Variants in SNX10 observed in about 807,000 individuals in gnomAD.
SNX10 encodes the protein sorting nexin 10, also known as sorting nexin-10.
A neutral mutation model predicts 28.5 loss-of-function variants in SNX10; 25 were observed. That is an observed-to-expected ratio of 0.88 (90% CI 0.64 to 1.22). The LOEUF is 1.22. SNX10 is among the 50% of genes most tolerant of loss of function. SNX10 has a pLI of 0.00. For synonymous variants in SNX10, 62 were observed against 81.4 expected (o/e 0.76, Z 1.28); for missense variants, 223 against 242.6 (o/e 0.92, Z 0.54).
chr7:26,325,185 C>T (rs1787452013), intron 1 of SNX10, among the ~76,000 whole-genome samples: 2 of 151,004 alleles, frequency 1.3e-5, no homozygotes, highest in African/African-American at 4.9e-5. Context: ...TCAAAATGTC[C>T]TAAGGATTTG....
chr7:26,371,111 T>C (rs1584183653), intron 5 of SNX10, among the ~76,000 whole-genome samples: 1 of 152,286 alleles, frequency 6.6e-6, no homozygotes, highest in South Asian at 2.1e-4. Flanking sequence ...CTTTGTAAAC[T>C]TTGATCTTAA....
chr7:26,368,771 A>G (rs76331322), intron 5 of SNX10, among the ~76,000 whole-genome samples: 2 of 152,200 alleles, frequency 1.3e-5, no homozygotes, highest in Admixed American at 6.5e-5. Context: ...AATGTCTTCA[A>G]TGAAGATTTG....
chr7:26,365,993 G>C (rs2128025357), intron 5 of SNX10, among the ~76,000 whole-genome samples: 1 of 152,278 alleles, frequency 6.6e-6, no homozygotes, highest in East Asian at 1.9e-4. Flanking sequence ...ACAGTGTCTG[G>C]CATGCAGTGT....
rs1318468469 is a variant in SNX10, at chr7:26,357,066, G to A, written c.25-3909G>A. On this transcript the variant is annotated intron_variant, in intron 2 of 6. Coordinates refer to ENST00000338523, the MANE Select transcript of SNX10 (RefSeq NM_013322.3). ...GGCATTGGATGTATGAGGCATTCAAGTCTTACAAGACAGCCTAAGCTGCCC... is the reference window on the plus strand; with the variant it reads ...GGCATTGGATGTATGAGGCATTCAAATCTTACAAGACAGCCTAAGCTGCCC... 8 of 1,228,128 alleles carry A rather than the reference G, an allele frequency of 6.5e-6. No homozygotes were observed. In the South Asian group the frequency reaches 1.1e-4, roughly 17 times the overall value. 76.1% of individuals were successfully genotyped at this position (1,228,128 alleles called of 1,614,324 possible).
At chr7:26,340,412 C>T (rs1181256000) in intron 1 of SNX10, among the ~76,000 whole-genome samples, 4 of 152,294 alleles carry the variant, frequency 2.6e-5, no homozygotes, top group East Asian at 1.9e-4. Context: ...CCTACAAAAC[C>T]TCAAATATTT....
Position 26,365,088 on chromosome 7 carries a change from T to G in SNX10, c.254T>G (p.Met85Arg). Reference protein sequence around the residue: ...ELPSKNLFFNMNNRQHVDQRR... With the variant: ...ELPSKNLFFNRNNRQHVDQRR... ...CCATCTAAAAACCTGTTTTTCAACA[T>G]GAACAATCGCCAGCACGTGGATCAG... The change falls in exon 5 of 7, where the codon ATG becomes AGG. Residue 85 changes from methionine (M) to arginine (R), a missense_variant. Coordinates refer to ENST00000338523, the MANE Select transcript of SNX10 (RefSeq NM_013322.3). 6.2e-7 allele frequency: 1 copy of G among 1,613,310 alleles called. No homozygotes were observed. Among genetic ancestry groups the G allele is most frequent in the Admixed American group, 1.7e-5 (1 of 60,016 alleles).
intron 1 of SNX10, among the ~76,000 whole-genome samples, chr7:26,318,788 G>T (rs1299884026): frequency 2.6e-5 from 4 of 152,060 alleles, no homozygotes; most frequent in Non-Finnish European, 4.4e-5. Context: ...AATTTTTCTT[G>T]TATACTTAAT....
At position 26,372,528 on chromosome 7, in the gene SNX10, A is replaced by C; in HGVS notation, c.562A>C (p.Ser188Arg). ...SGLGHSSDDS[S>R]SHGCKVNTAP... is the part of the protein sequence containing the mutation. ...GCTTGGACACAGTAGTGATGACAGCAGTTCACATGGATGTAAAGTAAATAC... is the reference window on the plus strand; with the variant it reads ...GCTTGGACACAGTAGTGATGACAGCCGTTCACATGGATGTAAAGTAAATAC... Residue 188 changes from serine (S) to arginine (R), a missense_variant, in exon 7 of 7, where the codon AGT becomes CGT. Transcript: ENST00000338523. 2 of 1,610,394 alleles carry C rather than the reference A, an allele frequency of 1.2e-6. No individual in the cohort carries two copies.
intron 1 of SNX10, among the ~76,000 whole-genome samples, chr7:26,335,735 C>CT (rs57340085): frequency 0.051 from 4,265 of 84,210 alleles, 840 homozygotes; most frequent in African/African-American, 0.1. Context: ...ATGGAATATT[C>CT]TTTTTTTTTT....
chr7:26,298,792 G>A (rs1398124042), intron 1 of SNX10, among the ~76,000 whole-genome samples: 1 of 152,204 alleles, frequency 6.6e-6, no homozygotes, highest in African/African-American at 2.4e-5. Flanking sequence ...CCTACTGAGA[G>A]TTCTCTCCCT....
chr7:26,349,614 C>G (rs1227980830), intron 2 of SNX10, among the ~76,000 whole-genome samples: 1 of 152,084 alleles, frequency 6.6e-6, no homozygotes, highest in Non-Finnish European at 1.5e-5. Flanking sequence ...CTTTAATTTA[C>G]AATTAAAATA....
In SNX10 at chr7:26,364,379, T is replaced by C. The variant is rs1474284246; in HGVS notation, c.112-156T>C. On this transcript the variant is annotated intron_variant, in intron 3 of 6. Transcript: ENST00000338523. This position sits in a 1 kb window ranked among gnomAD's most constrained non-coding sequence, Gnocchi z 4.9. ...TCAGGGCTGTTATGTTCCTGGGTTA[T>C]GTGCAAGATTTCAGAGTACTGGCAT... is the stretch of plus-strand genomic sequence containing the variant. The C allele has an allele frequency of 7.3e-7, 1 of 1,378,410 alleles. No individual in the cohort carries two copies. Among genetic ancestry groups the C allele is most frequent in the Non-Finnish European group, 9.4e-7 (1 of 1,067,206 alleles). 85.4% of individuals were successfully genotyped at this position (1,378,410 alleles called of 1,614,324 possible).
chr7:26,360,898 G>A (rs1784493795), intron 2 of SNX10, 77 bp from the exon 3 acceptor site: 2 of 1,576,710 alleles, frequency 1.3e-6, no homozygotes, highest in Non-Finnish European at 1.7e-6. Context: ...TTGTTTTAGT[G>A]CAGTCGTTTT....
chr7:26,341,822 C>T (rs1788186849), intron 1 of SNX10, among the ~76,000 whole-genome samples: 1 of 151,926 alleles, frequency 6.6e-6, no homozygotes, highest in African/African-American at 2.4e-5. Flanking sequence ...ATAAGGTAGC[C>T]TGGGGAGTTT....
At chr7:26,366,557 G>A (rs1369122036) in intron 5 of SNX10, among the ~76,000 whole-genome samples, 1 of 152,190 alleles carries the variant, frequency 6.6e-6, no homozygotes. Context: ...CCCTAGAGGA[G>A]GCCTCTGATT....
chr7:26,309,330 T>C (rs1430051606), intron 1 of SNX10, among the ~76,000 whole-genome samples: 3 of 151,530 alleles, frequency 2.0e-5, no homozygotes, highest in Non-Finnish European at 4.4e-5. Flanking sequence ...TCTTGACATC[T>C]TTAGGTATTA....
chr7:26,357,846 G>C (rs1024755198), intron 2 of SNX10, among the ~76,000 whole-genome samples: 1 of 152,112 alleles, frequency 6.6e-6, no homozygotes, highest in African/African-American at 2.4e-5. Context: ...GCTGTGGGAA[G>C]GGTATGGACA....
At chr7:26,326,634 C>T (rs1044025245) in intron 1 of SNX10, among the ~76,000 whole-genome samples, 1 of 152,196 alleles carries the variant, frequency 6.6e-6, no homozygotes, top group Non-Finnish European at 1.5e-5. Flanking sequence ...TGACACATTA[C>T]CTGTTAACTT....
At chr7:26,354,810 A>AT (rs1264468924) in intron 2 of SNX10, among the ~76,000 whole-genome samples, 1 of 152,164 alleles carries the variant, frequency 6.6e-6, no homozygotes, top group Non-Finnish European at 1.5e-5. Context: ...CAAAGCAAAG[A>AT]TTTTTAGTTT....
Sources: gnomAD v4.1 joint callset for allele counts (sites outside exome capture counted in the v4.1 genomes callset) on GRCh38, gnomAD v4.1.1 for gene constraint, Gnocchi (gnomAD v3.1) non-coding constraint, MANE v1.5 for transcripts, NCBI Gene and HGNC (gene_info 2026-07-23, HGNC 2026-07-21) for gene names.